Variants in GC observed in about 807,000 individuals in gnomAD.
The protein encoded by GC is vitamin D-binding protein.
A neutral mutation model predicts 56.7 loss-of-function variants in GC; 43 were observed. That is an observed-to-expected ratio of 0.76 (90% CI 0.59 to 0.98). GC has a LOEUF of 0.98. GC is among the 50% of genes least tolerant of loss of function. GC has a pLI of 0.00. For synonymous variants in GC, 216 were observed against 202.7 expected, an observed-to-expected ratio of 1.07 and a Z score of -0.56; for missense variants, 529 against 545.9, an observed-to-expected ratio of 0.97 and a Z score of 0.31.
At chr4:71,790,998 C>T (rs1025143887) in intron 1 of GC, among the ~76,000 whole-genome samples, 2 of 151,928 alleles carry the variant, frequency 1.3e-5, no homozygotes, top group African/African-American at 4.8e-5. Context: ...ACAGACACTT[C>T]TCAAAAGAAG....
chr4:71,758,998 T>C (rs1458664558), intron 6 of GC, among the ~76,000 whole-genome samples: 2 of 152,228 alleles, frequency 1.3e-5, no homozygotes, highest in East Asian at 3.8e-4. Flanking sequence ...ATGATTTTGA[T>C]TACTTTAAAT....
At chr4:71,757,891 T>C in intron 7 of GC, 151 bp downstream of exon 7, 2 of 615,846 alleles carry the variant, frequency 3.2e-6, no homozygotes, top group Non-Finnish European at 2.7e-6. Context: ...ACCTGTACAG[T>C]GATGTTAATA....
upstream of GC, among the ~76,000 whole-genome samples, chr4:71,805,214 C>G (rs1234365931): frequency 6.6e-6 from 1 of 152,166 alleles, no homozygotes; most frequent in African/African-American, 2.4e-5. Flanking sequence ...GCAGCTGTTT[C>G]AATACTTTTA....
chr4:71,792,751 A>G (rs1051694805), intron 1 of GC, among the ~76,000 whole-genome samples: 1 of 152,160 alleles, frequency 6.6e-6, no homozygotes, highest in Non-Finnish European at 1.5e-5. Flanking sequence ...TATGGTCTGA[A>G]TGATATTGCC....
upstream of GC, among the ~76,000 whole-genome samples, chr4:71,805,355 G>T (rs571222627): frequency 1.1e-4 from 17 of 152,230 alleles, no homozygotes; most frequent in East Asian, 3.3e-3. Flanking sequence ...TGTTCTCAAG[G>T]GTTCTGTCGC....
At chr4:71,778,196 A>G (rs1478821002) in intron 1 of GC, among the ~76,000 whole-genome samples, 3 of 151,986 alleles carry the variant, frequency 2.0e-5, no homozygotes, top group Non-Finnish European at 4.4e-5. Flanking sequence ...CACTTCTCTA[A>G]GATGAAAAAC....
intron 1 of GC, among the ~76,000 whole-genome samples, chr4:71,772,191 T>C (rs1317205750): frequency 6.6e-6 from 1 of 152,166 alleles, no homozygotes; most frequent in East Asian, 1.9e-4. Flanking sequence ...CGAGAGATTA[T>C]AAGGAATATT....
intron 7 of GC, among the ~76,000 whole-genome samples, chr4:71,757,651 T>C (rs1215623922): frequency 6.6e-6 from 1 of 152,184 alleles, no homozygotes; most frequent in Admixed American, 6.5e-5. Flanking sequence ...GCATTTGAAA[T>C]GTGGTTAGTG....
rs940309912 is a variant in GC, at chr4:71,772,584, C to G, written c.59-3184G>C. ...TTATTTAACTATTTGTGTTTGCACA[C>G]AGCACTTTAGAATTCATGGGCATTA... On this transcript the variant is annotated intron_variant, in intron 1 of 12. Coordinates refer to ENST00000273951, the MANE Select transcript of GC (RefSeq NM_000583.4). 2.6e-5 allele frequency among the ~76,000 whole-genome samples: 4 copies of G among 152,208 alleles called. No homozygotes were observed. The East Asian group carries it at 7.7e-4, about 29-fold the overall frequency.
At chr4:71,776,144 C>T (rs1251689180) in intron 1 of GC, among the ~76,000 whole-genome samples, 2 of 151,904 alleles carry the variant, frequency 1.3e-5, no homozygotes, top group Non-Finnish European at 2.9e-5. Context: ...AACAATACCA[C>T]TTCTGGGTAT....
intron 11 of GC, among the ~76,000 whole-genome samples, chr4:71,750,109 G>T (rs1360654752): frequency 6.6e-6 from 1 of 152,026 alleles, no homozygotes; most frequent in African/African-American, 2.4e-5. Context: ...GGAATGCATA[G>T]CCCAAGACTT....
intron 1 of GC, among the ~76,000 whole-genome samples, chr4:71,778,714 A>G (rs1284135850): frequency 6.6e-6 from 1 of 151,746 alleles, no homozygotes; most frequent in African/African-American, 2.4e-5. Context: ...CCATATGAGG[A>G]TGTATTTTAT....
intron 1 of GC, among the ~76,000 whole-genome samples, chr4:71,781,939 C>A (rs1229765691): frequency 6.6e-6 from 1 of 151,668 alleles, no homozygotes; most frequent in Non-Finnish European, 1.5e-5. Flanking sequence ...AATAGTTCCA[C>A]AGGTATAGAC....
chr4:71,773,068 T>C (rs1742390759), intron 1 of GC, among the ~76,000 whole-genome samples: 1 of 152,128 alleles, frequency 6.6e-6, no homozygotes, highest in Admixed American at 6.6e-5. Context: ...CTCCAATTCA[T>C]ATAGTTAATT....
intron 1 of GC, among the ~76,000 whole-genome samples, chr4:71,793,013 G>T (rs1258537561): frequency 6.6e-6 from 1 of 152,114 alleles, no homozygotes; most frequent in Non-Finnish European, 1.5e-5. Flanking sequence ...CTGTTCCAAT[G>T]GTCTATATCT....
At chr4:71,779,338 A>G (rs976833123) in intron 1 of GC, among the ~76,000 whole-genome samples, 6 of 151,872 alleles carry the variant, frequency 4.0e-5, no homozygotes, top group African/African-American at 1.4e-4. Flanking sequence ...AAGATAATGG[A>G]CTGGTAGGTG....
At chr4:71,746,784 A>AC (rs1553946447) in intron 11 of GC, among the ~76,000 whole-genome samples, 5 of 150,984 alleles carry the variant, frequency 3.3e-5, no homozygotes, top group African/African-American at 1.2e-4. Flanking sequence ...AAAAAAAAAA[A>AC]AAAAAAAAAA....
chr4:71,781,282 G>A (rs187680119), intron 1 of GC, among the ~76,000 whole-genome samples: 1 of 152,000 alleles, frequency 6.6e-6, no homozygotes, highest in East Asian at 1.9e-4. Flanking sequence ...AATACCTAAT[G>A]TAAATGACGA....
chr4:71,741,739 A>G lies in GC; in HGVS notation c.*157T>C, dbSNP rs2149290538. The G allele has an allele frequency of 1.5e-6, 1 of 684,198 alleles. No individual in the cohort carries two copies. The highest frequency in any genetic ancestry group is 2.6e-6 in the Non-Finnish European group (1 of 378,286). 42.4% of individuals were successfully genotyped at this position (684,198 alleles called of 1,614,324 possible). On this transcript the variant is annotated 3_prime_UTR_variant, in exon 13 of 13. Coordinates refer to ENST00000273951, the MANE Select transcript of GC (RefSeq NM_000583.4). ...CAATTTATTTTGATAGCAAATCATC[A>G]TACTTGTCATTGTATGAAGATATTG...
Sources: allele counts gnomAD v4.1 joint callset (sites outside exome capture counted in the v4.1 genomes callset), GRCh38; gene constraint gnomAD v4.1.1; transcripts MANE v1.5; gene names NCBI Gene and HGNC (gene_info 2026-07-23, HGNC 2026-07-21).